SEMA3A: variants seen among roughly 807,000 people sequenced by gnomAD.
SEMA3A encodes the protein semaphorin 3A.
Under a neutral mutation model 97.9 loss-of-function variants are expected in SEMA3A, and 29 were observed. That is an observed-to-expected ratio of 0.30 (90% CI 0.22 to 0.40). SEMA3A has a LOEUF of 0.40. Among genes scored for constraint, SEMA3A ranks in the 10% least tolerant of loss-of-function variants. SEMA3A has a pLI of 1.00. For missense variants in SEMA3A, 763 were observed against 951.3 expected (o/e 0.80, Z 2.60); for synonymous variants, 321 against 323.7 (o/e 0.99, Z 0.09).
chr7:84,469,836 G>T (rs1171382113), intron 1 of SEMA3A, among the ~76,000 whole-genome samples: 1 of 151,932 alleles, frequency 6.6e-6, no homozygotes, highest in Non-Finnish European at 1.5e-5. Flanking sequence ...GAGGTAAGGA[G>T]TTCTTACATA....
intron 1 of SEMA3A, among the ~76,000 whole-genome samples, chr7:84,459,233 ACATACT>A (rs1158049184): frequency 3.3e-5 from 5 of 152,212 alleles, no homozygotes; most frequent in Admixed American, 3.3e-4. Flanking sequence ...AGTTAAAAAC[ACATACT>A]CATATTTCTA....
At chr7:84,057,405 T>G (rs542699799) in intron 5 of SEMA3A, among the ~76,000 whole-genome samples, 56 of 152,310 alleles carry the variant, frequency 3.7e-4, no homozygotes, top group Non-Finnish European at 6.6e-4. Flanking sequence ...GTAATTGCTA[T>G]CTTTAGTAAA....
chr7:84,035,331 A>G (rs1174098077), intron 6 of SEMA3A, among the ~76,000 whole-genome samples: 25 of 152,058 alleles, frequency 1.6e-4, no homozygotes, highest in Non-Finnish European at 2.9e-5. Context: ...ATGACTATGC[A>G]TTTTATTTCT....
chr7:84,080,210 G>C (rs1029550866), intron 4 of SEMA3A, among the ~76,000 whole-genome samples: 1 of 93,064 alleles, frequency 1.1e-5, no homozygotes, highest in South Asian at 5.5e-4. Flanking sequence ...TGTGGGGTGG[G>C]GGGAGGGGGT....
At chr7:84,200,505 A>C (rs943449563) in intron 3 of SEMA3A, among the ~76,000 whole-genome samples, 1 of 152,092 alleles carries the variant, frequency 6.6e-6, no homozygotes, top group African/African-American at 2.4e-5. Flanking sequence ...GGGATGCATA[A>C]AATTTCATAA....
chr7:84,077,732 G>T (rs1292940933), intron 4 of SEMA3A, among the ~76,000 whole-genome samples: 1 of 151,904 alleles, frequency 6.6e-6, no homozygotes, highest in Non-Finnish European at 1.5e-5. Context: ...AATTCTTAGC[G>T]ATAATGCACA....
chr7:84,277,304 A>G (rs927895463), intron 3 of SEMA3A, among the ~76,000 whole-genome samples: 3 of 152,042 alleles, frequency 2.0e-5, no homozygotes, highest in Non-Finnish European at 4.4e-5. Context: ...TTTAATATAT[A>G]GATATAGATG....
At chr7:84,008,505 A>AAAG (rs1554392904) in intron 9 of SEMA3A, among the ~76,000 whole-genome samples, 3 of 97,294 alleles carry the variant, frequency 3.1e-5, no homozygotes, top group African/African-American at 1.2e-4. Flanking sequence ...AAAAAAAAAA[A>AAAG]AAAGAAAGAA....
At chr7:84,422,675 C>T (rs921009227) in intron 1 of SEMA3A, among the ~76,000 whole-genome samples, 1 of 152,084 alleles carries the variant, frequency 6.6e-6, no homozygotes, top group Non-Finnish European at 1.5e-5. Context: ...ACCTTCTACA[C>T]ACTGCTTTAG....
At chr7:84,234,122 TG>T (rs1229079369) in intron 3 of SEMA3A, among the ~76,000 whole-genome samples, 1 of 152,002 alleles carries the variant, frequency 6.6e-6, no homozygotes, top group Non-Finnish European at 1.5e-5. Flanking sequence ...TTACAGGGGA[TG>T]GGGGGTGTTA....
intron 1 of SEMA3A, among the ~76,000 whole-genome samples, chr7:84,154,679 G>GAA (rs143774288): frequency 8.9e-6 from 1 of 112,218 alleles, no homozygotes; most frequent in Non-Finnish European, 1.8e-5. Flanking sequence ...TAGTCTCAGG[G>GAA]AAAAAAAAAA....
At chr7:84,484,228 A>G (rs1289767591) in intron 1 of SEMA3A, among the ~76,000 whole-genome samples, 1 of 152,126 alleles carries the variant, frequency 6.6e-6, no homozygotes, top group Non-Finnish European at 1.5e-5. Flanking sequence ...ACACAGTTTA[A>G]AGTTACACAT....
chr7:83,971,936 T>A (rs2116287703), intron 15 of SEMA3A, among the ~76,000 whole-genome samples: 1 of 152,236 alleles, frequency 6.6e-6, no homozygotes, highest in South Asian at 2.1e-4. Flanking sequence ...GTTTCTAATC[T>A]TTCCTGAATC....
At chr7:84,023,661 CCT>C (rs757087229) in intron 6 of SEMA3A, among the ~76,000 whole-genome samples, 78 of 152,126 alleles carry the variant, frequency 5.1e-4, no homozygotes, top group Middle Eastern at 3.4e-3. Context: ...GCAGAAATCC[CCT>C]CTCTCTCTGA....
intron 1 of SEMA3A, among the ~76,000 whole-genome samples, chr7:84,442,329 G>C (rs1357658838): frequency 1.3e-5 from 2 of 152,130 alleles, no homozygotes; most frequent in Non-Finnish European, 2.9e-5. Context: ...AAACTAAATG[G>C]GATGGGGAGA....
chr7:84,121,577 A>G (rs1208025892), intron 3 of SEMA3A, among the ~76,000 whole-genome samples: 1 of 139,918 alleles, frequency 7.1e-6, no homozygotes, highest in African/African-American at 2.7e-5. Context: ...TCCACGGTGT[A>G]TATGTGCCAC....
rs547180744 is a variant in SEMA3A at position 84,251,115 on chromosome 7, A to G, written c.-83+56092T>C. ...ACCATTGCATTTTTGCCATTTATGT[A>G]ACAAAAGAAAGGTATGTCAAATTTC... On this transcript the variant is annotated intron_variant, in intron 3 of 3. Coordinates refer to the SEMA3A transcript ENST00000424555. 3.3e-5 allele frequency among the ~76,000 whole-genome samples: 5 copies of G among 152,340 alleles called. No homozygotes were observed. The South Asian group carries it at 1.0e-3, about 32-fold the overall frequency.
At chr7:84,193,266 A>T (rs940994001) in intron 1 of SEMA3A, among the ~76,000 whole-genome samples, 1 of 151,980 alleles carries the variant, frequency 6.6e-6, no homozygotes, top group African/African-American at 2.4e-5. Flanking sequence ...CTCTCTTCTG[A>T]TTTGAGATCC....
At chr7:84,212,229 C>T (rs933656138) in intron 3 of SEMA3A, among the ~76,000 whole-genome samples, 2 of 152,116 alleles carry the variant, frequency 1.3e-5, no homozygotes, top group African/African-American at 4.8e-5. Context: ...CTCTCTTTCT[C>T]AAATATAAAA....
Sources: allele counts gnomAD v4.1 joint callset (sites outside exome capture counted in the v4.1 genomes callset), GRCh38; gene constraint gnomAD v4.1.1; transcripts MANE v1.5; gene names NCBI Gene and HGNC (gene_info 2026-07-23, HGNC 2026-07-21).